SRPX: variants seen among roughly 807,000 people sequenced by gnomAD.
The protein encoded by SRPX is sushi repeat-containing protein SRPX.
A neutral mutation model predicts 38.1 loss-of-function variants in SRPX; 24 were observed. The observed-to-expected ratio is 0.63, with a 90% CI of 0.46 to 0.89. SRPX has a LOEUF of 0.89. Among genes scored for constraint, SRPX ranks in the 40% least tolerant of loss-of-function variants. SRPX has a pLI of 0.00. For missense variants in SRPX, 416 were observed against 377.8 expected, an observed-to-expected ratio of 1.10 and a Z score of -0.84; for synonymous variants, 184 against 153.8, an observed-to-expected ratio of 1.20 and a Z score of -1.45.
chrX:38,151,800 CTT>C (rs1405179809), intron 9 of SRPX, among the ~76,000 whole-genome samples: 1 of 111,384 alleles, frequency 9.0e-6, no homozygotes, highest in African/African-American at 3.3e-5. Context: ...GGAAGGAGTT[CTT>C]CCTGGAAAGT....
Position 38,174,927 on chromosome X carries a change from T to C in SRPX, c.158-576A>G, listed in dbSNP as rs982595072. On this transcript the variant is annotated intron_variant, in intron 2 of 9. Coordinates refer to ENST00000378533, the MANE Select transcript of SRPX (RefSeq NM_006307.5). ...ATTTCCAGGTGTTTGTAACAAGATA[T>C]AAATTTCGCTTAAAGTCACAGAACA... Among the ~76,000 whole-genome samples, 6 of 111,782 alleles carry C rather than the reference T, an allele frequency of 5.4e-5. No individual in the cohort carries two copies. In the South Asian group the frequency reaches 2.3e-3, roughly 43 times the overall value.
intron 1 of SRPX, among the ~76,000 whole-genome samples, chrX:38,194,917 G>A (rs1254069176): frequency 1.0e-4 from 9 of 88,021 alleles, no homozygotes; most frequent in Middle Eastern, 8.5e-3. Flanking sequence ...CTGTCACCCA[G>A]GCTGGAGTGC....
rs35179239 is a variant in SRPX, at chrX:38,194,863, G to GTTT, written c.98-16522_98-16520dup. 2.3e-3 allele frequency among the ~76,000 whole-genome samples: 126 copies of GTTT among 53,678 alleles called. 10 individuals are homozygous for GTTT. Among genetic ancestry groups the GTTT allele is most frequent in the African/African-American group, 1.0e-2 (108 of 10,831 alleles). 46.6% of individuals were successfully genotyped at this position (53,678 alleles called of 115,157 possible). On this transcript the variant is annotated intron_variant, in intron 1 of 9. Coordinates refer to ENST00000378533, the MANE Select transcript of SRPX (RefSeq NM_006307.5). Reference sequence around the variant, plus strand: ...AATGTTTTTTGTTTGTTTGTTTTTGGTTTTTTTTTTTTTTTTTTTTTTTTT... The same window carrying GTTT: ...AATGTTTTTTGTTTGTTTGTTTTTGGTTTTTTTTTTTTTTTTTTTTTTTTTTTT...
intron 4 of SRPX, among the ~76,000 whole-genome samples, chrX:38,165,505 T>C (rs1389671030): frequency 9.0e-6 from 1 of 111,721 alleles, no homozygotes; most frequent in African/African-American, 3.3e-5. Context: ...AAAATGGCAA[T>C]TGCCCCAGGC....
intron 8 of SRPX, 23 bp downstream of exon 8, chrX:38,156,873 T>C: frequency 8.3e-7 from 1 of 1,204,467 alleles, no homozygotes; most frequent in Admixed American, 2.2e-5. Context: ...CCCTCTCACC[T>C]TGGCCCTGCC....
At chrX:38,157,176 C>A in intron 7 of SRPX, 147 bp from the exon 8 acceptor site, 1 of 640,910 alleles carries the variant, frequency 1.6e-6, no homozygotes, top group Non-Finnish European at 2.3e-6. Context: ...GAGGCAGTCC[C>A]AAGAAGCGCC....
intron 1 of SRPX, among the ~76,000 whole-genome samples, chrX:38,185,903 G>C (rs1413487602): frequency 4.7e-5 from 5 of 105,285 alleles, no homozygotes; most frequent in Admixed American, 3.1e-4. Context: ...AAAAAAGGGG[G>C]GGGGGAGTGA....
chrX:38,151,251 TAGA>T (rs1437393012), intron 9 of SRPX, among the ~76,000 whole-genome samples: 1 of 112,114 alleles, frequency 8.9e-6, no homozygotes, highest in Admixed American at 9.5e-5. Flanking sequence ...AGCTCAGAAG[TAGA>T]TGACTGCAAA....
chrX:38,209,906 T>C (rs761531588), intron 1 of SRPX, among the ~76,000 whole-genome samples: 3 of 112,088 alleles, frequency 2.7e-5, no homozygotes, highest in African/African-American at 9.7e-5. Context: ...GGGTTTTTTT[T>C]CTTCCCCACT....
chrX:38,176,392 T>C (rs1938567673), intron 2 of SRPX, among the ~76,000 whole-genome samples: 1 of 112,325 alleles, frequency 8.9e-6, no homozygotes, highest in Admixed American at 9.4e-5. Flanking sequence ...TTCTTTCTTA[T>C]TTTACTTTAA....
At chrX:38,152,439 A>G (rs1602434337) in intron 9 of SRPX, among the ~76,000 whole-genome samples, 1 of 112,398 alleles carries the variant, frequency 8.9e-6, no homozygotes. Context: ...GGTCCTCACC[A>G]TGTGGTCTCT....
chrX:38,216,690 A>G lies in SRPX; in HGVS notation c.97+4006T>C, dbSNP rs1290680218. ...CCTGCTACAAATTTCATACTATGTT[A>G]TAGCCTGGCAAAACTAAACCTTCTT... On this transcript the variant is annotated intron_variant, in intron 1 of 9. Coordinates refer to ENST00000378533, the MANE Select transcript of SRPX (RefSeq NM_006307.5). Among the ~76,000 whole-genome samples the G allele has an allele frequency of 3.6e-5, 4 of 112,619 alleles. No homozygotes were observed. The East Asian group carries it at 1.1e-3, about 31-fold the overall frequency.
intron 1 of SRPX, among the ~76,000 whole-genome samples, chrX:38,183,633 A>C (rs1295743963): frequency 3.6e-5 from 4 of 111,936 alleles, no homozygotes; most frequent in Admixed American, 9.5e-5. Context: ...AAATAGAGAA[A>C]GAAGTTGGGG....
chrX:38,160,187 C>T lies in SRPX; in HGVS notation c.785G>A (p.Cys262Tyr), dbSNP rs965879972. 8.3e-6 allele frequency: 10 copies of T among 1,209,851 alleles called. No homozygotes were observed. Among genetic ancestry groups the T allele is most frequent in the Non-Finnish European group, 1.1e-5 (10 of 894,964 alleles). The part of the protein sequence containing the change: ...KFRVKVRVKR[C>Y]GKLNAPENGY... ...ATTCTCTGGGGCATTGAGTTTGCCA[C>T]AGCGTTTGACTGTAGGGACACAAGT... The change falls in exon 7 of 10, where the codon TGT becomes TAT. Residue 262 changes from cysteine to tyrosine, a missense_variant. By Grantham distance (194) the Cys-to-Tyr change is radical. Coordinates refer to ENST00000378533, the MANE Select transcript of SRPX (RefSeq NM_006307.5).
At chrX:38,151,398 C>A (rs947866279) in intron 9 of SRPX, among the ~76,000 whole-genome samples, 1 of 111,918 alleles carries the variant, frequency 8.9e-6, no homozygotes, top group African/African-American at 3.3e-5. Context: ...GTACAGGGAG[C>A]TCTCAGGAAA....
At chrX:38,207,010 C>T (rs777145313) in intron 1 of SRPX, among the ~76,000 whole-genome samples, 45 of 111,597 alleles carry the variant, frequency 4.0e-4, no homozygotes, top group Non-Finnish European at 6.6e-4. Context: ...ATATTCCATC[C>T]TCTTATTCAA....
chrX:38,190,585 A>T (rs757492024), intron 1 of SRPX, among the ~76,000 whole-genome samples: 1 of 111,806 alleles, frequency 8.9e-6, no homozygotes, highest in Non-Finnish European at 1.9e-5. Context: ...TGATAGTCAC[A>T]CAGTAGCTGT....
chrX:38,173,866 C>A (rs937312916), intron 3 of SRPX, among the ~76,000 whole-genome samples: 1 of 111,842 alleles, frequency 8.9e-6, no homozygotes, highest in Non-Finnish European at 1.9e-5. Context: ...GACCCATGTG[C>A]GTCTTATTTG....
chrX:38,149,588 T>A lies in SRPX; in HGVS notation c.*123A>T. On this transcript the variant is annotated 3_prime_UTR_variant, in exon 10 of 10. Transcript: ENST00000378533. Reference sequence around the variant, plus strand: ...AATTTTTAAGTGCAAAGAAAGCTCATAATAAAATAGACTTTTAAAATTACA... The same window carrying A: ...AATTTTTAAGTGCAAAGAAAGCTCAAAATAAAATAGACTTTTAAAATTACA... The A allele has an allele frequency of 1.4e-6, 1 of 725,454 alleles. No homozygotes were observed. The highest frequency in any genetic ancestry group is 1.9e-6 in the Non-Finnish European group (1 of 528,850). The allele number at this position is 725,454 out of a possible 1,213,427, so 59.8% of individuals were successfully genotyped here. A position where few individuals can be genotyped will look rare whatever the true frequency, so the allele number is the denominator to read the frequency against.
Sources: allele counts gnomAD v4.1 joint callset (sites outside exome capture counted in the v4.1 genomes callset), GRCh38; gene constraint gnomAD v4.1.1; transcripts MANE v1.5; gene names NCBI Gene and HGNC (gene_info 2026-07-23, HGNC 2026-07-21).